RYR3: variants seen among roughly 807,000 people sequenced by gnomAD.
RYR3 encodes the protein ryanodine receptor 3, also known as brain ryanodine receptor-calcium release channel.
In RYR3, 207 loss-of-function variants were observed where a neutral mutation model predicts 584.3. That is an observed-to-expected ratio of 0.35 (90% CI 0.32 to 0.40). The LOEUF is 0.40. Ranked by LOEUF, RYR3 falls within the 10% of genes least tolerant of loss-of-function variation. The pLI, the probability that RYR3 is intolerant of heterozygous loss-of-function variation, is 1.00. For synonymous variants in RYR3, 2,416 were observed against 2,248.5 expected (o/e 1.07, Z -2.11); for missense variants, 5,616 against 6,089.2 (o/e 0.92, Z 2.59).
At chr15:33,335,539 G>A (rs1161306522) in intron 1 of RYR3, among the ~76,000 whole-genome samples, 1 of 152,102 alleles carries the variant, frequency 6.6e-6, no homozygotes, top group African/African-American at 2.4e-5. Flanking sequence ...AGGGTGGAGG[G>A]TGGGAAGAAG....
At chr15:33,606,428 G>T (rs951163550) in intron 18 of RYR3, among the ~76,000 whole-genome samples, 1 of 152,156 alleles carries the variant, frequency 6.6e-6, no homozygotes, top group African/African-American at 2.4e-5. Flanking sequence ...AGGGAATAAA[G>T]AACCCCCATT....
chr15:33,357,275 A>G (rs1164575057), intron 1 of RYR3, among the ~76,000 whole-genome samples: 1 of 152,212 alleles, frequency 6.6e-6, no homozygotes, highest in Admixed American at 6.5e-5. Context: ...AGATTTTCTT[A>G]ATAAAACAAA....
intron 3 of RYR3, among the ~76,000 whole-genome samples, chr15:33,513,011 G>A (rs968907989): frequency 3.3e-5 from 5 of 152,134 alleles, no homozygotes; most frequent in East Asian, 1.9e-4. Context: ...TTTCAGCTGC[G>A]TTTCTGGCAA....
At chr15:33,364,523 C>T (rs557768120) in intron 1 of RYR3, among the ~76,000 whole-genome samples, 2 of 152,258 alleles carry the variant, frequency 1.3e-5, no homozygotes, top group East Asian at 1.9e-4. Context: ...AGGCACAAGG[C>T]AGGGAGAAAT....
At chr15:33,654,345 GC>G (rs983859308) in intron 32 of RYR3, among the ~76,000 whole-genome samples, 17 of 152,038 alleles carry the variant, frequency 1.1e-4, no homozygotes, top group African/African-American at 3.4e-4. Context: ...TGGACCCTCA[GC>G]TTTACAAAAA....
chr15:33,433,552 CGTA>C (rs1408391153), intron 1 of RYR3, among the ~76,000 whole-genome samples: 1 of 151,946 alleles, frequency 6.6e-6, no homozygotes, highest in Non-Finnish European at 1.5e-5. Flanking sequence ...TAAATGCAGT[CGTA>C]GGAGTATGAA....
intron 1 of RYR3, among the ~76,000 whole-genome samples, chr15:33,316,795 T>C (rs968496968): frequency 4.6e-5 from 7 of 152,234 alleles, no homozygotes; most frequent in Admixed American, 4.6e-4. Flanking sequence ...AGTCGACCTT[T>C]CTTATCATCA....
intron 67 of RYR3, among the ~76,000 whole-genome samples, chr15:33,794,143 CATAAATATATAATATATAATATAT>C (rs1567184569): frequency 1.1e-4 from 12 of 111,808 alleles, no homozygotes; most frequent in South Asian, 3.0e-4. Flanking sequence ...ATATAATATA[CATAAATATATAATATATAATATAT>C]ACAAATATAC....
At chr15:33,806,579 T>C (rs116429724) in intron 69 of RYR3, among the ~76,000 whole-genome samples, 5,285 of 152,120 alleles carry the variant, frequency 0.035, 306 homozygotes, top group African/African-American at 0.12. Context: ...TGCAGTGAGT[T>C]AACTAATCTT....
At position 33,708,784 on chromosome 15, in the gene RYR3, G is replaced by A. The variant is rs2066895281; in HGVS notation, c.6619+1730G>A. Among the ~76,000 whole-genome samples the A allele has an allele frequency of 2.0e-5, 3 of 152,326 alleles. No individual in the cohort carries two copies. The South Asian group carries it at 6.2e-4, about 32-fold the overall frequency. On this transcript the variant is annotated intron_variant, in intron 43 of 103. Transcript: ENST00000634891. Reference sequence around the variant, plus strand: ...GTGTGCCCTTACAGATGGAGCAATGGTGAGCACACACTTGGACAAAGGAGG... The same window carrying A: ...GTGTGCCCTTACAGATGGAGCAATGATGAGCACACACTTGGACAAAGGAGG...
chr15:33,738,230 TAATC>T (rs1332579640), intron 49 of RYR3, among the ~76,000 whole-genome samples: 17 of 152,164 alleles, frequency 1.1e-4, no homozygotes, highest in African/African-American at 3.9e-4. Flanking sequence ...GCATAAGAAT[TAATC>T]AGGCAGATCC....
chr15:33,385,518 C>G (rs2041526699), intron 1 of RYR3, among the ~76,000 whole-genome samples: 3 of 152,008 alleles, frequency 2.0e-5, no homozygotes, highest in Admixed American at 1.3e-4. Flanking sequence ...AAAGTACTTA[C>G]CTATTGTCCT....
At position 33,700,966 on chromosome 15, in the gene RYR3, T is replaced by G. The variant is rs773843354; in HGVS notation, c.6380-11T>G. The G allele has an allele frequency of 6.2e-7, 1 of 1,603,754 alleles. No homozygotes were observed. Among genetic ancestry groups the G allele is most frequent in the South Asian group, 1.1e-5 (1 of 89,770 alleles). Reference sequence around the variant, plus strand: ...TGTCCTTTTCTTGCTAATTCTCCCCTCCTCCCTCAGCCTCCCCGTCGATGA... The same window carrying G: ...TGTCCTTTTCTTGCTAATTCTCCCCGCCTCCCTCAGCCTCCCCGTCGATGA... On this transcript the variant is annotated splice_polypyrimidine_tract_variant and intron_variant, in intron 41 of 103. Transcript: ENST00000634891.
intron 8 of RYR3, 50 bp downstream of exon 8, chr15:33,543,765 C>A: frequency 1.7e-6 from 2 of 1,166,522 alleles, no homozygotes; most frequent in Non-Finnish European, 2.6e-6. Flanking sequence ...TCTCAAATGA[C>A]TCAAACTAAA....
chr15:33,539,395 C>A lies in RYR3; in HGVS notation c.479C>A (p.Ser160Tyr). ...ATACATCCTGCTTCCAAACAGAGGTCCGAAGGAGAGAAAGTTCGAATTGGC... is the reference window on the plus strand; with the variant it reads ...ATACATCCTGCTTCCAAACAGAGGTACGAAGGAGAGAAAGTTCGAATTGGC... ...WTIHPASKQR[S>Y]EGEKVRIGDD... Residue 160 changes from serine (S) to tyrosine (Y), a missense_variant, in exon 6 of 104, where the codon TCC becomes TAC. Around this residue, in one of 9 missense-constraint regions of RYR3, gnomAD observed 1,284 missense variants for 1,344.6 expected, o/e 0.95. Coordinates refer to ENST00000634891, the MANE Select transcript of RYR3 (RefSeq NM_001036.6). The A allele has an allele frequency of 1.2e-6, 2 of 1,602,510 alleles. No homozygotes were observed. The highest frequency in any genetic ancestry group is 1.7e-6 in the Non-Finnish European group (2 of 1,174,246).
At chr15:33,483,677 T>C (rs1271947303) in intron 2 of RYR3, among the ~76,000 whole-genome samples, 1 of 152,226 alleles carries the variant, frequency 6.6e-6, no homozygotes, top group Non-Finnish European at 1.5e-5. Context: ...AACTTTTGCT[T>C]ATTCTAAGCA....
chr15:33,831,039 A>G lies in RYR3; in HGVS notation c.11411A>G (p.Lys3804Arg), dbSNP rs1325633035. ...IDESGQHNFS[K>R]ALAVTKQIFN... ...GAATCTGGACAGCACAATTTTTCCA[A>G]AGCTCTGGCAGTCACCAAGCAGATT... Residue 3804 changes from lysine to arginine, a missense_variant, in exon 86 of 104, where the codon AAA becomes AGA. This residue lies in a region of RYR3 where 954 missense variants were observed against 1,132.2 expected (regional missense o/e 0.84). Transcript: ENST00000634891. The G allele has an allele frequency of 6.2e-7, 1 of 1,613,708 alleles. No individual in the cohort carries two copies. The highest frequency in any genetic ancestry group is 8.5e-7 in the Non-Finnish European group (1 of 1,179,816).
chr15:33,613,412 T>A (rs1567665158), intron 19 of RYR3, 37 bp downstream of exon 19: 1 of 1,550,306 alleles, frequency 6.5e-7, no homozygotes, highest in Non-Finnish European at 8.7e-7. Flanking sequence ...GAGTAGCAGT[T>A]ACCCCACCTC....
chr15:33,734,057 C>T (rs17236525), intron 48 of RYR3, among the ~76,000 whole-genome samples: 50,128 of 152,014 alleles, frequency 0.33, 9,510 homozygotes, highest in Admixed American at 0.46. Flanking sequence ...GCTTTAACTG[C>T]TTTATGGAAC....
Sources: gnomAD v4.1 joint callset for allele counts (sites outside exome capture counted in the v4.1 genomes callset) on GRCh38, gnomAD v4.1.1 for gene constraint, gnomAD v4.1.1 regional missense constraint, MANE v1.5 for transcripts, NCBI Gene and HGNC (gene_info 2026-07-23, HGNC 2026-07-21) for gene names.